Variants in CSMD1 observed in about 807,000 individuals in gnomAD.
CSMD1 encodes CUB and Sushi multiple domains 1.
CSMD1 carries 213 observed loss-of-function variants against 417.5 expected under a neutral mutation model. That is an observed-to-expected ratio of 0.51 (90% CI 0.46 to 0.57). CSMD1 has a LOEUF of 0.57. CSMD1 is among the 20% of genes least tolerant of loss of function. The pLI, the probability that CSMD1 is intolerant of heterozygous loss-of-function variation, is 0.00. For missense variants in CSMD1, 6,923 were observed against 4,529.7 expected (o/e 1.53, Z -15.17); for synonymous variants, 2,862 against 1,736.8 (o/e 1.65, Z -16.11).
intron 3 of CSMD1, among the ~76,000 whole-genome samples, chr8:4,388,811 C>A (rs188005608): frequency 6.6e-6 from 1 of 152,324 alleles, no homozygotes; most frequent in Non-Finnish European, 1.5e-5. Context: ...CCTCTGGACC[C>A]AGCACTGAAT....
chr8:3,915,745 G>A (rs773661654), intron 5 of CSMD1, among the ~76,000 whole-genome samples: 1 of 149,940 alleles, frequency 6.7e-6, no homozygotes, highest in African/African-American at 2.5e-5. Flanking sequence ...CTCAAATTAT[G>A]AACTCTCTCG....
chr8:4,334,335 C>G (rs1800036220), intron 3 of CSMD1, among the ~76,000 whole-genome samples: 2 of 152,116 alleles, frequency 1.3e-5, no homozygotes, highest in African/African-American at 2.4e-5. Context: ...ATGTGAATGA[C>G]ATTTACACTT....
intron 3 of CSMD1, among the ~76,000 whole-genome samples, chr8:4,303,420 CTGTTTTTTTTT>C (rs1161131650): frequency 0.036 from 3,283 of 91,342 alleles, 69 homozygotes; most frequent in Non-Finnish European, 0.049. Context: ...GGGCAGGAAG[CTGTTTTTTTTT>C]TTTTTTTTTT....
intron 40 of CSMD1, among the ~76,000 whole-genome samples, chr8:3,143,608 A>C (rs989396214): frequency 5.9e-5 from 9 of 152,192 alleles, no homozygotes; most frequent in Non-Finnish European, 1.5e-5. Flanking sequence ...AACTCCAAAG[A>C]CATTAGTCTT....
intron 3 of CSMD1, among the ~76,000 whole-genome samples, chr8:4,071,295 T>G (rs1247410938): frequency 1.3e-5 from 2 of 152,200 alleles, no homozygotes; most frequent in Non-Finnish European, 2.9e-5. Context: ...TCTTATTTTC[T>G]CTATATTCTA....
At chr8:3,256,187 G>A (rs1178484594) in intron 26 of CSMD1, among the ~76,000 whole-genome samples, 1 of 151,900 alleles carries the variant, frequency 6.6e-6, no homozygotes, top group Non-Finnish European at 1.5e-5. Context: ...AATTAGCTGG[G>A]CGTGGTGGTG....
chr8:3,093,115 C>T (rs1481846284), intron 47 of CSMD1, among the ~76,000 whole-genome samples: 1 of 152,102 alleles, frequency 6.6e-6, no homozygotes, highest in Non-Finnish European at 1.5e-5. Context: ...CTATGAAGTC[C>T]TAACCCTCTG....
intron 1 of CSMD1, among the ~76,000 whole-genome samples, chr8:4,678,134 T>G (rs1805810208): frequency 6.6e-6 from 1 of 150,976 alleles, no homozygotes; most frequent in African/African-American, 2.4e-5. Context: ...GAATTTTTCT[T>G]TTTTTTTTGG....
At chr8:3,949,444 T>G (rs1407792446) in intron 5 of CSMD1, among the ~76,000 whole-genome samples, 1 of 152,126 alleles carries the variant, frequency 6.6e-6, no homozygotes, top group South Asian at 2.1e-4. Flanking sequence ...CTCTAACAAT[T>G]TAAGGAAAAG....
chr8:3,896,980 T>C (rs905594248), intron 5 of CSMD1, among the ~76,000 whole-genome samples: 5 of 152,088 alleles, frequency 3.3e-5, no homozygotes, highest in African/African-American at 9.6e-5. Context: ...ACATCCTAGA[T>C]AGCAATTCTA....
intron 2 of CSMD1, among the ~76,000 whole-genome samples, chr8:4,463,795 T>A (rs1304197347): frequency 6.6e-6 from 1 of 152,116 alleles, no homozygotes; most frequent in East Asian, 1.9e-4. Context: ...TTTTTTGCAT[T>A]AAACATCTTC....
chr8:4,908,829 G>A (rs1050263369), intron 1 of CSMD1, among the ~76,000 whole-genome samples: 1 of 152,082 alleles, frequency 6.6e-6, no homozygotes, highest in Non-Finnish European at 1.5e-5. Flanking sequence ...AGCACTCTAA[G>A]CATACTAATC....
chr8:4,019,849 C>A (rs534823165), intron 4 of CSMD1, among the ~76,000 whole-genome samples: 37 of 151,704 alleles, frequency 2.4e-4, no homozygotes, highest in African/African-American at 8.2e-4. Flanking sequence ...TTCCTGAGCC[C>A]CAAACCATTT....
chr8:4,264,673 C>T (rs1333301146), intron 3 of CSMD1, among the ~76,000 whole-genome samples: 1 of 152,158 alleles, frequency 6.6e-6, no homozygotes, highest in African/African-American at 2.4e-5. Context: ...CCGAGGTGGT[C>T]ATCCCCAGAA....
chr8:3,971,021 G>A (rs540668071), intron 5 of CSMD1, among the ~76,000 whole-genome samples: 1 of 152,160 alleles, frequency 6.6e-6, no homozygotes, highest in Non-Finnish European at 1.5e-5. Flanking sequence ...AAAGTACTGG[G>A]ATTTTAGGCA....
Position 3,288,062 on chromosome 8 carries a change from A to G in CSMD1, c.3951-3716T>C, listed in dbSNP as rs566675591. 9.3e-4 allele frequency among the ~76,000 whole-genome samples: 137 copies of G among 147,532 alleles called. 6 individuals carry two copies. The highest frequency in any genetic ancestry group is 1.5e-3 in the Non-Finnish European group (99 of 67,986). On this transcript the variant is annotated intron_variant, in intron 25 of 69. Transcript: ENST00000635120. ...CTTTTCTGCATCTATTGAGATAATC[A>G]TGTGGTTTTTGTCTTTGGTTCTGTT...
chr8:4,463,165 G>T (rs1230449137), intron 2 of CSMD1, among the ~76,000 whole-genome samples: 1 of 152,086 alleles, frequency 6.6e-6, no homozygotes, highest in Non-Finnish European at 1.5e-5. Context: ...ATACACAAAT[G>T]GCCAAGAAGC....
intron 2 of CSMD1, among the ~76,000 whole-genome samples, chr8:4,422,073 G>T (rs1341567501): frequency 6.6e-6 from 1 of 151,980 alleles, no homozygotes; most frequent in Non-Finnish European, 1.5e-5. Flanking sequence ...TCAAACAAAT[G>T]AACTATTACA....
intron 1 of CSMD1, among the ~76,000 whole-genome samples, chr8:4,822,951 G>A (rs1799603651): frequency 6.6e-6 from 1 of 152,074 alleles, no homozygotes; most frequent in Admixed American, 6.6e-5. Context: ...TTCGGACTTT[G>A]CCTCTGATGA....
Sources: allele counts gnomAD v4.1 joint callset (sites outside exome capture counted in the v4.1 genomes callset), GRCh38; gene constraint gnomAD v4.1.1; transcripts MANE v1.5; gene names NCBI Gene and HGNC (gene_info 2026-07-23, HGNC 2026-07-21).